TACO1: variants seen among roughly 807,000 people sequenced by gnomAD.
The protein encoded by TACO1 is translational activator of cytochrome c oxidase I, also known as translational activator of cytochrome c oxidase 1.
Under a neutral mutation model 24.0 loss-of-function variants are expected in TACO1, and 13 were observed. That is an observed-to-expected ratio of 0.54 (90% confidence interval 0.35 to 0.86). The LOEUF is 0.86. Ranked by LOEUF, TACO1 falls within the 40% of genes least tolerant of loss-of-function variation. The probability of loss-of-function intolerance (pLI) is 0.01; values close to 1 mark genes in which losing one functional copy is unlikely to be tolerated. For missense variants in TACO1, 352 were observed against 380.1 expected (o/e 0.93, Z 0.61); for synonymous variants, 149 against 153.5 (o/e 0.97, Z 0.22).
rs150351286 is a variant in TACO1, at chr17:63,607,158, C to T, written c.516-129C>T. 598 of 864,976 alleles carry T rather than the reference C, an allele frequency of 6.9e-4. 1 individual carries two copies. In the African/African-American group the frequency reaches 7.9e-3, roughly 11 times the overall value. The allele number at this position is 864,976 out of a possible 1,614,324, so 53.6% of individuals were successfully genotyped here. ...CAGCTGCATTTTCTCCTTGAGGATG[C>T]GATCTGCTCCATGTCTGTGTGTACT... On this transcript the variant is annotated intron_variant, in intron 3 of 4. Transcript: ENST00000258975.
intron 1 of TACO1, among the ~76,000 whole-genome samples, 176 bp from the exon 2 acceptor site, chr17:63,604,358 G>A (rs538804366): frequency 3.3e-5 from 5 of 152,156 alleles, no homozygotes; most frequent in Non-Finnish European, 5.9e-5. Flanking sequence ...AAAAAAACCC[G>A]AAAATACTTC....
chr17:63,603,602 A>G (rs552045249), intron 1 of TACO1, among the ~76,000 whole-genome samples: 105 of 152,240 alleles, frequency 6.9e-4, no homozygotes, highest in African/African-American at 2.4e-3. Context: ...GCTACTTAGG[A>G]GGCTGAGGCA....
At chr17:63,606,193 C>A in intron 2 of TACO1, 120 bp from the exon 3 acceptor site, 1 of 1,305,946 alleles carries the variant, frequency 7.7e-7, no homozygotes, top group Non-Finnish European at 1.1e-6. Context: ...AGATTGAGAG[C>A]TCAGGCTCCA....
At chr17:63,605,827 A>G (rs533855992) in intron 2 of TACO1, among the ~76,000 whole-genome samples, 1 of 152,182 alleles carries the variant, frequency 6.6e-6, no homozygotes, top group African/African-American at 2.4e-5. Flanking sequence ...TGGAAGGTCC[A>G]GAAGAGATTA....
intron 1 of TACO1, among the ~76,000 whole-genome samples, chr17:63,602,768 G>C (rs1276281323): frequency 6.6e-6 from 1 of 151,794 alleles, no homozygotes; most frequent in Admixed American, 6.6e-5. Flanking sequence ...GACCTCAAAT[G>C]ATCTACCCAC....
intron 3 of TACO1, chr17:63,606,644 C>T (rs1036976269): frequency 3.3e-6 from 2 of 602,144 alleles, no homozygotes; most frequent in Non-Finnish European, 5.9e-6. Flanking sequence ...TTTCTGGGTT[C>T]AAGTGATTCT....
intron 1 of TACO1, among the ~76,000 whole-genome samples, chr17:63,602,603 T>C (rs951908528): frequency 2.0e-5 from 3 of 152,050 alleles, no homozygotes; most frequent in Non-Finnish European, 4.4e-5. Flanking sequence ...CTTGGCCCAT[T>C]GCAACCTCCA....
At position 63,607,510 on chromosome 17, in the gene TACO1, T is replaced by C. The variant is rs766759886; in HGVS notation, c.693+46T>C. 1.5e-5 allele frequency: 24 copies of C among 1,597,486 alleles called. No homozygotes were observed. In the South Asian group the frequency reaches 2.5e-4, roughly 17 times the overall value. On this transcript the variant is annotated intron_variant, in intron 4 of 4. Transcript: ENST00000258975. ...GTTTGGTGGGCTTCCGGGAGGACCC[T>C]GATAGATGCCTTATGCATGCCTCTT...
chr17:63,601,320 C>T lies in TACO1; in HGVS notation c.237C>T (p.Arg79=), dbSNP rs1488517306. The part of the protein sequence containing the change: ...IKGPKDVERS[R]IFSKLCLNIR... ...GTCCGAAGGACGTCGAAAGGAGTCG[C>T]ATCTTCTCCAAACTCTGTTTGAACA... is the stretch of plus-strand genomic sequence containing the variant. Residue 79 remains arginine (R), a synonymous_variant, in exon 1 of 5, where the codon CGC becomes CGT. Coordinates refer to ENST00000258975, the MANE Select transcript of TACO1 (RefSeq NM_016360.4). The T allele has an allele frequency of 1.9e-6, 3 of 1,613,122 alleles. No homozygotes were observed. The highest frequency in any genetic ancestry group is 1.3e-5 in the African/African-American group (1 of 75,076).
intron 4 of TACO1, 102 bp downstream of exon 4, chr17:63,607,566 G>A (rs2033872717): frequency 2.4e-6 from 3 of 1,238,302 alleles, no homozygotes; most frequent in Admixed American, 1.8e-5. Flanking sequence ...CCAGGGTATA[G>A]GTGAGACAGT....
Position 63,607,523 on chromosome 17 carries a change from A to G in TACO1, c.693+59A>G, listed in dbSNP as rs1390982019. ...CCGGGAGGACCCTGATAGATGCCTT[A>G]TGCATGCCTCTTGGTTTCTTCCTTC... On this transcript the variant is annotated intron_variant, in intron 4 of 4. Coordinates refer to ENST00000258975, the MANE Select transcript of TACO1 (RefSeq NM_016360.4). The G allele has an allele frequency of 7.7e-6, 12 of 1,566,184 alleles. 1 individual carries two copies. The Admixed American group carries it at 1.7e-4, about 22-fold the overall frequency.
In TACO1 at chr17:63,600,984, C is replaced by A; in HGVS notation, c.-100C>A. 1 of 1,411,622 alleles carries A rather than the reference C, an allele frequency of 7.1e-7. No individual in the cohort carries two copies. Among genetic ancestry groups the A allele is most frequent in the South Asian group, 1.3e-5 (1 of 79,890 alleles). The allele number at this position is 1,411,622 out of a possible 1,614,324, so 87.4% of individuals were successfully genotyped here. On this transcript the variant is annotated 5_prime_UTR_variant, in exon 1 of 5. Transcript: ENST00000258975. ...GCCTTTGGATCTCAGGTGACCGGCA[C>A]AGGCGGCCGCGGGGTCCGGAACTGC... is the stretch of plus-strand genomic sequence containing the variant.
chr17:63,607,244 C>T, intron 3 of TACO1, 43 bp from the exon 4 acceptor site: 1 of 1,569,408 alleles, frequency 6.4e-7, no homozygotes, highest in Non-Finnish European at 8.8e-7. Flanking sequence ...GGCTGAGCTT[C>T]TAGAGGCATC....
chr17:63,601,439 T>C (rs2033820972), intron 1 of TACO1, 76 bp downstream of exon 1: 2 of 1,525,466 alleles, frequency 1.3e-6, no homozygotes, highest in African/African-American at 1.4e-5. Context: ...CCTCTCGGAA[T>C]TGGGCCCACC....
chr17:63,605,604 C>G (rs1282515699), intron 2 of TACO1, among the ~76,000 whole-genome samples: 1 of 152,132 alleles, frequency 6.6e-6, no homozygotes, highest in African/African-American at 2.4e-5. Flanking sequence ...GACTTTAGAG[C>G]CTGTGCTCTA....
chr17:63,604,156 G>C (rs377261052), intron 1 of TACO1, among the ~76,000 whole-genome samples: 45 of 152,190 alleles, frequency 3.0e-4, no homozygotes, highest in African/African-American at 1.0e-3. Flanking sequence ...TGGCCAACAT[G>C]GCGAAACCTG....
Position 63,604,690 on chromosome 17 carries a change from C to T in TACO1, c.387+50C>T, listed in dbSNP as rs371394303. On this transcript the variant is annotated intron_variant, in intron 2 of 4. Coordinates refer to ENST00000258975, the MANE Select transcript of TACO1 (RefSeq NM_016360.4). ...TATTGATCACAGCCTCTACCGGGCT[C>T]ATGTCTGGATGGCCAACAAACACAC... The T allele has an allele frequency of 2.0e-6, 3 of 1,531,294 alleles. No homozygotes were observed. The African/African-American group carries it at 4.1e-5, about 21-fold the overall frequency. 94.9% of individuals were successfully genotyped at this position (1,531,294 alleles called of 1,614,324 possible).
intron 1 of TACO1, among the ~76,000 whole-genome samples, chr17:63,603,260 A>AAAATG (rs1278366167): frequency 1.3e-5 from 2 of 152,136 alleles, no homozygotes; most frequent in African/African-American, 4.8e-5. Flanking sequence ...AAAATAAAAT[A>AAAATG]AAATAAAAAT....
chr17:63,607,955 C>T lies in TACO1; in HGVS notation c.847C>T (p.Leu283Phe). The T allele has an allele frequency of 1.2e-6, 2 of 1,614,204 alleles. No individual in the cohort carries two copies. Among genetic ancestry groups the T allele is most frequent in the South Asian group, 1.1e-5 (1 of 91,082 alleles). ...ACAGGCCGCACATCTCATTCAGGCTCTCAGCAACCACGAGGATGTGATTCA... is the reference window on the plus strand; with the variant it reads ...ACAGGCCGCACATCTCATTCAGGCTTTCAGCAACCACGAGGATGTGATTCA... ...LEQAAHLIQALSNHEDVIHVY... is the reference protein window; with the variant it reads ...LEQAAHLIQAFSNHEDVIHVY... Residue 283 changes from leucine to phenylalanine, a missense_variant, in exon 5 of 5, where the codon CTC (leucine) becomes TTC (phenylalanine). By Grantham distance (22) the Leu-to-Phe change is conservative. Transcript: ENST00000258975.
Sources: allele counts gnomAD v4.1 joint callset (sites outside exome capture counted in the v4.1 genomes callset), GRCh38; gene constraint gnomAD v4.1.1; transcripts MANE v1.5; gene names NCBI Gene and HGNC (gene_info 2026-07-23, HGNC 2026-07-21).